The following BRIP1 variants were observed in gnomAD, a reference collection of about 807,000 sequenced individuals.
The protein encoded by BRIP1 is BRCA1 interacting DNA helicase 1, also known as Fanconi anemia group J protein.
BRIP1 carries 88 observed loss-of-function variants against 119.7 expected under a neutral mutation model. That is an observed-to-expected ratio of 0.74 (90% CI 0.62 to 0.88). The LOEUF (loss-of-function observed/expected upper bound fraction) is 0.88. Among genes scored for constraint, BRIP1 ranks in the 40% least tolerant of loss-of-function variants. BRIP1 has a pLI of 0.00. For synonymous variants in BRIP1, 443 were observed against 496.5 expected, an observed-to-expected ratio of 0.89 and a Z score of 1.43; for missense variants, 1,259 against 1,455.4, an observed-to-expected ratio of 0.87 and a Z score of 2.20.
chr17:61,721,267 C>CTT (rs11326516), intron 16 of BRIP1, among the ~76,000 whole-genome samples: 2,150 of 114,074 alleles, frequency 0.019, 65 homozygotes, highest in African/African-American at 0.05. Flanking sequence ...AAAATCTAAG[C>CTT]TTTTTTTTTT....
chr17:61,848,353 G>T lies in BRIP1; in HGVS notation c.507+776C>A, dbSNP rs535932427. The stretch of plus-strand genomic sequence containing the variant: ...GCTACATGTCTGATGAGCCTGTAGG[G>T]CTCATGCCACCACACCCGGTCTTTT... On this transcript the variant is annotated intron_variant, in intron 5 of 19. Transcript: ENST00000259008. The surrounding 1 kb of genome is among the most constrained non-coding windows in gnomAD (Gnocchi z 4.3). Among the ~76,000 whole-genome samples the T allele has an allele frequency of 1.4e-5, 2 of 146,840 alleles. No individual in the cohort carries two copies. The highest frequency in any genetic ancestry group is 2.6e-5 in the African/African-American group (1 of 38,810).
Position 61,754,727 on chromosome 17 carries a change from G to A in BRIP1, c.2098-10136C>T, listed in dbSNP as rs1203014757. The stretch of plus-strand genomic sequence containing the variant: ...CCTGTTAACTTGATTTCTGGTTAGG[G>A]CTCTCTTCTTGGCTTGCAGACAGCC... On this transcript the variant is annotated intron_variant, in intron 14 of 19. Coordinates refer to ENST00000259008, the MANE Select transcript of BRIP1 (RefSeq NM_032043.3). This position sits in a 1 kb window ranked among gnomAD's most constrained non-coding sequence, Gnocchi z 4.1. Among the ~76,000 whole-genome samples, 1 of 152,090 alleles carries A rather than the reference G, an allele frequency of 6.6e-6. No homozygotes were observed. The highest frequency in any genetic ancestry group is 1.5e-5 in the Non-Finnish European group (1 of 68,024).
chr17:61,714,422 T>C (rs1229028410), intron 17 of BRIP1, among the ~76,000 whole-genome samples: 1 of 152,236 alleles, frequency 6.6e-6, no homozygotes, highest in African/African-American at 2.4e-5. Context: ...TCTACACTTA[T>C]ATACTCAATT....
Position 61,754,206 on chromosome 17 carries a change from G to A in BRIP1, c.2098-9615C>T, listed in dbSNP as rs2077171020. ...ACAAAATCTAAATTCTTACTGTGGT[G>A]TGATTTTACCCAGCTATTTCTTTGG... On this transcript the variant is annotated intron_variant, in intron 14 of 19. Transcript: ENST00000259008. This position sits in a 1 kb window ranked among gnomAD's most constrained non-coding sequence, Gnocchi z 4.1. Among the ~76,000 whole-genome samples the A allele has an allele frequency of 6.6e-6, 1 of 152,148 alleles. No individual in the cohort carries two copies. Among genetic ancestry groups the A allele is most frequent in the African/African-American group, 2.4e-5 (1 of 41,424 alleles).
rs1555611795 is a variant in BRIP1, at chr17:61,823,765, C to CACACACAT, written c.628-15009_628-15008insATGTGTGT. Among the ~76,000 whole-genome samples, 2 of 90,970 alleles carry CACACACAT rather than the reference C, an allele frequency of 2.2e-5. No individual in the cohort carries two copies. Among genetic ancestry groups the CACACACAT allele is most frequent in the African/African-American group, 3.0e-5 (1 of 33,758 alleles). The allele number at this position is 90,970 out of a possible 152,430, so 59.7% of individuals were successfully genotyped here. A position where few individuals can be genotyped will look rare whatever the true frequency, so the allele number is the denominator to read the frequency against. ...ACCCCAAGCACACAATAAACACACA[C>CACACACAT]ACACACACACACACACACACACACA... is the stretch of plus-strand genomic sequence containing the variant. On this transcript the variant is annotated intron_variant, in intron 6 of 19. Transcript: ENST00000259008. This position sits in a 1 kb window ranked among gnomAD's most constrained non-coding sequence, Gnocchi z 4.8.
rs1473966316 is a variant in BRIP1 at position 61,708,503 on chromosome 17, G to T, written c.2492+7448C>A. Reference sequence around the variant, plus strand: ...GGAATCTATCTTCTGTGGATAAGGAGAGACTACTGTACTGTCTGGCCCTTT... The same window carrying T: ...GGAATCTATCTTCTGTGGATAAGGATAGACTACTGTACTGTCTGGCCCTTT... On this transcript the variant is annotated intron_variant, in intron 17 of 19. Coordinates refer to ENST00000259008, the MANE Select transcript of BRIP1 (RefSeq NM_032043.3). The surrounding 1 kb of genome is among the most constrained non-coding windows in gnomAD (Gnocchi z 4.4). Among the ~76,000 whole-genome samples the T allele has an allele frequency of 3.3e-5, 5 of 152,212 alleles. No homozygotes were observed. The highest frequency in any genetic ancestry group is 5.9e-5 in the Non-Finnish European group (4 of 68,038).
Position 61,848,397 on chromosome 17 carries a change from G to A in BRIP1, c.507+732C>T, listed in dbSNP as rs924558042. On this transcript the variant is annotated intron_variant, in intron 5 of 19. Coordinates refer to ENST00000259008, the MANE Select transcript of BRIP1 (RefSeq NM_032043.3). This position sits in a 1 kb window ranked among gnomAD's most constrained non-coding sequence, Gnocchi z 4.3. Reference sequence around the variant, plus strand: ...GTCTTTTTTTTTACTTTTTTGTGGAGACAGGAGCCTTGCTATGTCACCCAG... The same window carrying A: ...GTCTTTTTTTTTACTTTTTTGTGGAAACAGGAGCCTTGCTATGTCACCCAG... Among the ~76,000 whole-genome samples the A allele has an allele frequency of 1.3e-5, 2 of 151,838 alleles. No homozygotes were observed. The highest frequency in any genetic ancestry group is 2.4e-5 in the African/African-American group (1 of 41,344).
chr17:61,833,369 C>CA (rs2078521335), intron 6 of BRIP1, among the ~76,000 whole-genome samples: 1 of 152,066 alleles, frequency 6.6e-6, no homozygotes, highest in Non-Finnish European at 1.5e-5. Context: ...TCCAAGCTCT[C>CA]AAAAAATTAT....
chr17:61,811,501 GT>G (rs1259157667), intron 6 of BRIP1, among the ~76,000 whole-genome samples: 1 of 151,958 alleles, frequency 6.6e-6, no homozygotes, highest in Admixed American at 6.6e-5. Context: ...GGGATTACAG[GT>G]GTAAGCCACC....
At position 61,807,603 on chromosome 17, in the gene BRIP1, C is replaced by T. The variant is rs1287949406; in HGVS notation, c.918+864G>A. The stretch of plus-strand genomic sequence containing the variant: ...GGGGTGATATATCAATGAAATGAAA[C>T]TCTGGGGGCTATAGCTCACAGTTTT... On this transcript the variant is annotated intron_variant, in intron 7 of 19. Transcript: ENST00000259008. The surrounding 1 kb of genome is among the most constrained non-coding windows in gnomAD (Gnocchi z 4.5). Among the ~76,000 whole-genome samples, 3 of 152,036 alleles carry T rather than the reference C, an allele frequency of 2.0e-5. No homozygotes were observed. Among genetic ancestry groups the T allele is most frequent in the Non-Finnish European group, 2.9e-5 (2 of 67,980 alleles).
At position 61,828,143 on chromosome 17, in the gene BRIP1, G is replaced by A. The variant is rs2078437032; in HGVS notation, c.627+18958C>T. On this transcript the variant is annotated intron_variant, in intron 6 of 19. Transcript: ENST00000259008. This position sits in a 1 kb window ranked among gnomAD's most constrained non-coding sequence, Gnocchi z 4.1. ...GCATTATTCAAAATAGCAAAAAGAT[G>A]GAAACAACCCAGATGTCCACTGGCA... 6.6e-6 allele frequency among the ~76,000 whole-genome samples: 1 copy of A among 152,082 alleles called. No homozygotes were observed. The highest frequency in any genetic ancestry group is 2.4e-5 in the African/African-American group (1 of 41,402).
At chr17:61,782,665 C>CA (rs964437332) in intron 11 of BRIP1, among the ~76,000 whole-genome samples, 10 of 151,498 alleles carry the variant, frequency 6.6e-5, no homozygotes, top group Admixed American at 4.0e-4. Context: ...ACAACAACAA[C>CA]AAAAAAACCC....
At position 61,751,795 on chromosome 17, in the gene BRIP1, G is replaced by T. The variant is rs138349976; in HGVS notation, c.2098-7204C>A. ...GGAGGATTTTTTTTTTTGAGACAGAGTCTCGCTCTGTCACCCAGGCTGGAG... is the reference window on the plus strand; with the variant it reads ...GGAGGATTTTTTTTTTTGAGACAGATTCTCGCTCTGTCACCCAGGCTGGAG... On this transcript the variant is annotated intron_variant, in intron 14 of 19. Transcript: ENST00000259008. This position sits in a 1 kb window ranked among gnomAD's most constrained non-coding sequence, Gnocchi z 6.7. Among the ~76,000 whole-genome samples, 596 of 151,888 alleles carry T rather than the reference G, an allele frequency of 3.9e-3. 3 individuals are homozygous for T. Among genetic ancestry groups the T allele is most frequent in the African/African-American group, 0.013 (525 of 41,442 alleles).
At position 61,801,253 on chromosome 17, in the gene BRIP1, A is replaced by G. The variant is rs1386426039; in HGVS notation, c.1140T>C (p.Ser380=). 1 of 1,608,542 alleles carries G rather than the reference A, an allele frequency of 6.2e-7. No individual in the cohort carries two copies. The highest frequency in any genetic ancestry group is 2.2e-5 in the East Asian group (1 of 44,870). The change falls in exon 8 of 20, where the codon AGT becomes AGC. Residue 380 remains serine, a splice_region_variant and synonymous_variant. Coordinates refer to ENST00000259008, the MANE Select transcript of BRIP1 (RefSeq NM_032043.3). ...NYLLDAQIRE[S]MDLNLKEQVV... ...TTCTCATTTTTACACATATACTCACACTTTCCCTTATTTGTGCATCTAGAA... is the reference window on the plus strand; with the variant it reads ...TTCTCATTTTTACACATATACTCACGCTTTCCCTTATTTGTGCATCTAGAA...
intron 10 of BRIP1, among the ~76,000 whole-genome samples, chr17:61,790,671 G>A (rs2077802671): frequency 6.6e-6 from 1 of 151,610 alleles, no homozygotes; most frequent in South Asian, 2.1e-4. Context: ...ACAGGGTCTT[G>A]CTCTGTGCCC....
intron 10 of BRIP1, among the ~76,000 whole-genome samples, chr17:61,788,161 A>G (rs2077762320): frequency 6.6e-6 from 1 of 152,196 alleles, no homozygotes; most frequent in Admixed American, 6.5e-5. Flanking sequence ...TATAAGATAA[A>G]TATATAAAAA....
At chr17:61,781,085 T>C (rs1567814090) in intron 11 of BRIP1, 80 bp from the exon 12 acceptor site, 6 of 1,358,828 alleles carry the variant, frequency 4.4e-6, no homozygotes, top group Non-Finnish European at 6.2e-6. Context: ...AAAAACTGAT[T>C]ACATTAAAAC....
At chr17:61,702,972 CTTTT>C (rs61428664) in intron 17 of BRIP1, among the ~76,000 whole-genome samples, 43 of 125,212 alleles carry the variant, frequency 3.4e-4, no homozygotes, top group Non-Finnish European at 3.4e-4. Context: ...AGCATCTGTT[CTTTT>C]TTTTTTTTTT....
At chr17:61,718,366 T>C (rs2061915953) in intron 16 of BRIP1, among the ~76,000 whole-genome samples, 1 of 152,222 alleles carries the variant, frequency 6.6e-6, no homozygotes, top group Admixed American at 6.5e-5. Context: ...TACTGATGAT[T>C]GTTTCAAGTA....
Sources: allele counts gnomAD v4.1 joint callset (sites outside exome capture counted in the v4.1 genomes callset), GRCh38; gene constraint gnomAD v4.1.1; non-coding constraint Gnocchi (gnomAD v3.1); transcripts MANE v1.5; gene names NCBI Gene and HGNC (gene_info 2026-07-23, HGNC 2026-07-21).